ANKRD12: variants seen among roughly 807,000 people sequenced by gnomAD.
The protein encoded by ANKRD12 is ankyrin repeat domain 12.
A neutral mutation model predicts 183.4 loss-of-function variants in ANKRD12; 85 were observed. The ratio of observed to expected loss-of-function variants is 0.46; its 90% confidence interval spans 0.39 to 0.56. The LOEUF (loss-of-function observed/expected upper bound fraction) is 0.56, where lower values mean the gene tolerates loss of function less well. Ranked by LOEUF, ANKRD12 falls within the 20% of genes least tolerant of loss-of-function variation. The probability of loss-of-function intolerance (pLI) is 0.00; values close to 1 mark genes in which losing one functional copy is unlikely to be tolerated. For synonymous variants in ANKRD12, 914 were observed against 800.2 expected, an observed-to-expected ratio of 1.14 and a Z score of -2.40; for missense variants, 2,405 against 2,357.1, an observed-to-expected ratio of 1.02 and a Z score of -0.42.
At chr18:9,196,166 C>T (rs1321228925) in intron 3 of ANKRD12, among the ~76,000 whole-genome samples, 1 of 145,600 alleles carries the variant, frequency 6.9e-6, no homozygotes, top group Admixed American at 6.8e-5. Flanking sequence ...GGCTAACTGC[C>T]TCAGTGCTTT....
At chr18:9,262,145 T>TTAA (rs2039007043) in intron 9 of ANKRD12, among the ~76,000 whole-genome samples, 1 of 152,180 alleles carries the variant, frequency 6.6e-6, no homozygotes, top group Non-Finnish European at 1.5e-5. Flanking sequence ...ATAATGCTGA[T>TTAA]TATAGAGTCT....
At chr18:9,248,624 T>C (rs1295477011) in intron 8 of ANKRD12, among the ~76,000 whole-genome samples, 2 of 152,234 alleles carry the variant, frequency 1.3e-5, no homozygotes, top group Non-Finnish European at 2.9e-5. Flanking sequence ...ATATAAATAA[T>C]TATACAAACA....
chr18:9,270,935 T>C (rs1203016333), intron 10 of ANKRD12, among the ~76,000 whole-genome samples: 1 of 152,222 alleles, frequency 6.6e-6, no homozygotes, highest in Non-Finnish European at 1.5e-5. Context: ...GTGTGGTGGC[T>C]CAGTAACTAC....
At chr18:9,177,119 C>T (rs1408600518) in intron 1 of ANKRD12, among the ~76,000 whole-genome samples, 1 of 151,922 alleles carries the variant, frequency 6.6e-6, no homozygotes, top group Non-Finnish European at 1.5e-5. Flanking sequence ...TTGGCTTAAA[C>T]AGGAAAGTAG....
chr18:9,249,229 C>A (rs923863394), intron 8 of ANKRD12, among the ~76,000 whole-genome samples: 2 of 152,156 alleles, frequency 1.3e-5, no homozygotes, highest in African/African-American at 4.8e-5. Flanking sequence ...CTTCCAAATT[C>A]CATAAATGGG....
chr18:9,187,865 T>G (rs534570354), intron 2 of ANKRD12, among the ~76,000 whole-genome samples: 1 of 152,272 alleles, frequency 6.6e-6, no homozygotes, highest in South Asian at 2.1e-4. Context: ...AGTTCTGTTA[T>G]ATCCTTTTCG....
At chr18:9,224,959 G>A (rs2036624041) in intron 8 of ANKRD12, among the ~76,000 whole-genome samples, 1 of 152,112 alleles carries the variant, frequency 6.6e-6, no homozygotes. Context: ...CTTGTGGGCT[G>A]GGCATGGTGG....
intron 4 of ANKRD12, among the ~76,000 whole-genome samples, chr18:9,205,744 AT>A (rs199987576): frequency 2.0e-5 from 3 of 151,448 alleles, no homozygotes; most frequent in Non-Finnish European, 2.9e-5. Flanking sequence ...GTAATGGCAA[AT>A]TTTTTTTTCA....
intron 8 of ANKRD12, among the ~76,000 whole-genome samples, chr18:9,239,242 C>G (rs910621614): frequency 6.6e-6 from 1 of 152,168 alleles, no homozygotes; most frequent in African/African-American, 2.4e-5. Flanking sequence ...TCTCAAAAAT[C>G]GCTACTAATT....
chr18:9,144,264 G>A (rs1484336391), intron 1 of ANKRD12, among the ~76,000 whole-genome samples: 2 of 151,964 alleles, frequency 1.3e-5, no homozygotes, highest in Non-Finnish European at 2.9e-5. Flanking sequence ...TAATAAAAAG[G>A]TTATTAATTC....
At chr18:9,274,548 G>A (rs2039743632) in intron 10 of ANKRD12, among the ~76,000 whole-genome samples, 1 of 152,188 alleles carries the variant, frequency 6.6e-6, no homozygotes, top group Non-Finnish European at 1.5e-5. Context: ...CATAGAGGAA[G>A]GGGGTGGAGG....
At position 9,284,951 on chromosome 18, in the gene ANKRD12, A is replaced by C. The variant is rs1274226776; in HGVS notation, c.*3825A>C. ...GCCAGGCGCAGTGGCTCGCGCCTGT[A>C]ATCCCAGCACTTTGGGAGGCCAAGG... On this transcript the variant is annotated 3_prime_UTR_variant, in exon 13 of 13. Coordinates refer to ENST00000262126, the MANE Select transcript of ANKRD12 (RefSeq NM_015208.5). 2 of 152,278 alleles carry C rather than the reference A, an allele frequency of 1.3e-5. No homozygotes were observed. The highest frequency in any genetic ancestry group is 2.4e-5 in the African/African-American group (1 of 41,476). The allele number at this position is 152,278 out of a possible 1,614,324, so 9.4% of individuals were successfully genotyped here. A position where few individuals can be genotyped will look rare whatever the true frequency, so the allele number is the denominator to read the frequency against.
intron 2 of ANKRD12, among the ~76,000 whole-genome samples, chr18:9,188,381 G>A (rs1237518424): frequency 6.6e-6 from 1 of 152,202 alleles, no homozygotes; most frequent in Non-Finnish European, 1.5e-5. Context: ...CACTACCTCT[G>A]TCTTTCGAGG....
At chr18:9,169,601 T>A (rs2143945532) in intron 1 of ANKRD12, among the ~76,000 whole-genome samples, 1 of 152,326 alleles carries the variant, frequency 6.6e-6, no homozygotes, top group South Asian at 2.1e-4. Flanking sequence ...TGAGCCTATG[T>A]GTTTCTCTGC....
At chr18:9,204,032 G>A (rs2144545000) in intron 3 of ANKRD12, among the ~76,000 whole-genome samples, 1 of 152,376 alleles carries the variant, frequency 6.6e-6, no homozygotes, top group Non-Finnish European at 1.5e-5. Context: ...GGAAAGGTCT[G>A]TGGTGTAGGA....
chr18:9,178,335 C>G (rs200912018), intron 1 of ANKRD12, among the ~76,000 whole-genome samples: 3 of 89,138 alleles, frequency 3.4e-5, no homozygotes, highest in African/African-American at 1.1e-4. Context: ...CTCTCTCTCT[C>G]TCTCTCTCGT....
chr18:9,187,528 T>A (rs1023422126), intron 2 of ANKRD12, among the ~76,000 whole-genome samples: 6 of 152,308 alleles, frequency 3.9e-5, no homozygotes, highest in South Asian at 4.1e-4. Flanking sequence ...AAACCAAAAT[T>A]TCACTCCTTA....
chr18:9,241,424 A>G (rs1567954962), intron 8 of ANKRD12, among the ~76,000 whole-genome samples: 1 of 152,128 alleles, frequency 6.6e-6, no homozygotes, highest in African/African-American at 2.4e-5. Flanking sequence ...AGTCTCGTAC[A>G]AAAAAATTGC....
intron 11 of ANKRD12, 46 bp downstream of exon 11, chr18:9,275,713 G>T (rs773537089): frequency 1.6e-5 from 23 of 1,457,126 alleles, no homozygotes; most frequent in Non-Finnish European, 2.1e-5. Flanking sequence ...CTGAAAAAAT[G>T]CAACTTGGCT....
Sources: gnomAD v4.1 joint callset for allele counts (sites outside exome capture counted in the v4.1 genomes callset) on GRCh38, gnomAD v4.1.1 for gene constraint, MANE v1.5 for transcripts, NCBI Gene and HGNC (gene_info 2026-07-23, HGNC 2026-07-21) for gene names.